The following JAK1 variants were observed in gnomAD, a reference collection of about 807,000 sequenced individuals.
The protein encoded by JAK1 is tyrosine-protein kinase JAK1.
A neutral mutation model predicts 136.6 loss-of-function variants in JAK1; 16 were observed. The ratio of observed to expected loss-of-function variants is 0.12; its 90% confidence interval spans 0.08 to 0.18. The LOEUF (loss-of-function observed/expected upper bound fraction) is 0.18, where lower values mean the gene tolerates loss of function less well. JAK1 is among the 10% of genes least tolerant of loss of function. JAK1 has a pLI of 1.00. For synonymous variants in JAK1, 492 were observed against 519.5 expected (o/e 0.95, Z 0.72); for missense variants, 859 against 1,450.1 (o/e 0.59, Z 6.62).
chr1:64,952,277 G>A (rs1646105561), intron 1 of JAK1, among the ~76,000 whole-genome samples: 1 of 152,120 alleles, frequency 6.6e-6, no homozygotes, highest in African/African-American at 2.4e-5. Flanking sequence ...GTGAGCTTAG[G>A]GATTGTGAAA....
chr1:65,012,952 T>C (rs926781763), intron 2 of JAK1, among the ~76,000 whole-genome samples: 2 of 151,182 alleles, frequency 1.3e-5, no homozygotes, highest in African/African-American at 4.9e-5. Flanking sequence ...CTGGTTTAGC[T>C]GGGCGTGGTG....
chr1:64,868,032 G>A (rs367676956), intron 6 of JAK1, among the ~76,000 whole-genome samples: 6 of 151,224 alleles, frequency 4.0e-5, no homozygotes, highest in Admixed American at 2.6e-4. Context: ...GAGAGAGTGA[G>A]AGAGAGAGAG....
intron 1 of JAK1, among the ~76,000 whole-genome samples, chr1:64,931,959 G>C (rs1186059003): frequency 6.6e-6 from 1 of 151,950 alleles, no homozygotes. Context: ...AAAAAGGAGG[G>C]GGGGGGATAT....
intron 2 of JAK1, among the ~76,000 whole-genome samples, chr1:64,988,948 G>A (rs1205476123): frequency 1.6e-5 from 2 of 125,092 alleles, no homozygotes; most frequent in South Asian, 2.7e-4. Context: ...ATATGTATGT[G>A]TATATATATG....
chr1:64,845,743 G>T, intron 14 of JAK1, 103 bp from the exon 15 acceptor site: 1 of 1,389,142 alleles, frequency 7.2e-7, no homozygotes, highest in Non-Finnish European at 1.0e-6. Context: ...CTCGGCCTCA[G>T]AGTACACAGA....
At chr1:64,996,878 A>C (rs1646708868) in intron 2 of JAK1, among the ~76,000 whole-genome samples, 1 of 152,238 alleles carries the variant, frequency 6.6e-6, no homozygotes, top group Non-Finnish European at 1.5e-5. Context: ...CAGTGCAATG[A>C]TGAACAGGAA....
chr1:64,955,433 G>A (rs1030928991), intron 1 of JAK1, among the ~76,000 whole-genome samples: 68 of 152,252 alleles, frequency 4.5e-4, no homozygotes, highest in African/African-American at 1.4e-3. Context: ...CATGAAGCAC[G>A]GGAAAAGTGC....
chr1:64,885,085 T>C (rs1044824588), intron 2 of JAK1, among the ~76,000 whole-genome samples: 1 of 152,214 alleles, frequency 6.6e-6, no homozygotes, highest in African/African-American at 2.4e-5. Context: ...ATTAACCAGA[T>C]ATGCCTCAAT....
At chr1:64,964,954 T>C (rs748706511) in intron 1 of JAK1, among the ~76,000 whole-genome samples, 1 of 152,114 alleles carries the variant, frequency 6.6e-6, no homozygotes. Flanking sequence ...AATAATCCCC[T>C]GGTCTTGGAA....
intron 2 of JAK1, chr1:64,991,881 T>A (rs755925945): frequency 1.3e-5 from 2 of 152,168 alleles, no homozygotes; most frequent in Non-Finnish European, 2.9e-5. Flanking sequence ...TCCAAAGAAG[T>A]AAATATTATA....
chr1:64,860,826 C>CTG (rs72032330), intron 8 of JAK1, among the ~76,000 whole-genome samples: 15,231 of 119,156 alleles, frequency 0.13, 1,233 homozygotes, highest in African/African-American at 0.14. Context: ...TCAGATGACT[C>CTG]TGTGTGTGTG....
chr1:64,953,504 C>G (rs1646128243), intron 1 of JAK1, among the ~76,000 whole-genome samples: 1 of 152,082 alleles, frequency 6.6e-6, no homozygotes, highest in Non-Finnish European at 1.5e-5. Flanking sequence ...ATATAACAGT[C>G]AGGTAATATA....
intron 21 of JAK1, 97 bp from the exon 22 acceptor site, chr1:64,838,201 C>G (rs1023680262): frequency 2.4e-6 from 3 of 1,263,308 alleles, no homozygotes; most frequent in Non-Finnish European, 3.2e-6. Context: ...TCATTTCATT[C>G]ACATATCACT....
chr1:65,060,096 AT>A (rs1647723283), intron 1 of JAK1, among the ~76,000 whole-genome samples: 1 of 152,114 alleles, frequency 6.6e-6, no homozygotes, highest in Non-Finnish European at 1.5e-5. Context: ...GCCAACTGTA[AT>A]ACAGAGTTGA....
chr1:64,875,395 G>A (rs1334111136), intron 4 of JAK1, among the ~76,000 whole-genome samples: 1 of 152,248 alleles, frequency 6.6e-6, no homozygotes, highest in Non-Finnish European at 1.5e-5. Context: ...AGAAGCAGAT[G>A]CCTGTGGCAT....
chr1:64,899,159 A>T (rs1645068337), intron 1 of JAK1, among the ~76,000 whole-genome samples: 1 of 152,270 alleles, frequency 6.6e-6, no homozygotes, highest in African/African-American at 2.4e-5. Flanking sequence ...AAGCTTAGAA[A>T]CACTAAGTGA....
chr1:65,032,425 T>C (rs1647031636), intron 2 of JAK1, among the ~76,000 whole-genome samples: 1 of 152,234 alleles, frequency 6.6e-6, no homozygotes, highest in Admixed American at 6.5e-5. Context: ...CTGTCTGAAG[T>C]GGTTGTTTAC....
intron 2 of JAK1, among the ~76,000 whole-genome samples, chr1:65,031,291 T>C (rs1647022051): frequency 6.6e-6 from 1 of 152,152 alleles, no homozygotes; most frequent in African/African-American, 2.4e-5. Context: ...TATAAAGTGC[T>C]GAGAAGGACA....
At chr1:64,835,909 CGTT>C (rs2100932406) in intron 23 of JAK1, among the ~76,000 whole-genome samples, 186 bp downstream of exon 23, 1 of 152,166 alleles carries the variant, frequency 6.6e-6, no homozygotes, top group East Asian at 1.9e-4. Flanking sequence ...ACTCCGGGCT[CGTT>C]GTGAAAGCAA....
Sources: gnomAD v4.1 joint callset for allele counts (sites outside exome capture counted in the v4.1 genomes callset) on GRCh38, gnomAD v4.1.1 for gene constraint, MANE v1.5 for transcripts, NCBI Gene and HGNC (gene_info 2026-07-23, HGNC 2026-07-21) for gene names.